The following COL5A1 variants were observed in gnomAD, a reference collection of about 807,000 sequenced individuals.
COL5A1 encodes the protein collagen type V alpha 1 chain, also known as collagen alpha-1(V) chain.
In COL5A1, 16 loss-of-function variants were observed where a neutral mutation model predicts 263.7. The observed-to-expected ratio is 0.06, with a 90% CI of 0.04 to 0.09. The LOEUF (loss-of-function observed/expected upper bound fraction) is 0.09, where lower values mean the gene tolerates loss of function less well. Among genes scored for constraint, COL5A1 ranks in the 10% least tolerant of loss-of-function variants. COL5A1 has a pLI of 1.00. For synonymous variants in COL5A1, 1,012 were observed against 1,004.5 expected (o/e 1.01, Z -0.14); for missense variants, 2,036 against 2,540.5 (o/e 0.80, Z 4.27).
intron 16 of COL5A1, 134 bp from the exon 17 acceptor site, chr9:134,756,631 C>T: frequency 1.0e-6 from 1 of 964,076 alleles, no homozygotes; most frequent in Non-Finnish European, 1.7e-6. Context: ...GCAGCCCGGC[C>T]ACTCGGGCTG....
chr9:134,823,357 G>A lies in COL5A1; in HGVS notation c.4645-59G>A, dbSNP rs993650331. ...CAGGGACCATTCTAGAGCTGAAGGTGGATTCAAAGTCCCCTCATACCTCTG... is the reference window on the plus strand; with the variant it reads ...CAGGGACCATTCTAGAGCTGAAGGTAGATTCAAAGTCCCCTCATACCTCTG... On this transcript the variant is annotated intron_variant, in intron 60 of 65. Transcript: ENST00000371817. 2.5e-6 allele frequency: 4 copies of A among 1,575,604 alleles called. No individual in the cohort carries two copies. The African/African-American group carries it at 5.4e-5, about 21-fold the overall frequency.
chr9:134,657,364 A>C (rs867789505), intron 1 of COL5A1, among the ~76,000 whole-genome samples: 14 of 35,116 alleles, frequency 4.0e-4, no homozygotes, highest in Admixed American at 3.7e-3. Flanking sequence ...GTAGGGGGTG[A>C]AGTTTATAGA....
At chr9:134,737,389 CTT>C (rs1257531200) in intron 9 of COL5A1, among the ~76,000 whole-genome samples, 4 of 152,214 alleles carry the variant, frequency 2.6e-5, no homozygotes, top group Non-Finnish European at 4.4e-5. Flanking sequence ...GGAGCAGACA[CTT>C]GAGGGGTGCA....
chr9:134,644,764 G>A (rs975916925), intron 1 of COL5A1, among the ~76,000 whole-genome samples: 1 of 152,212 alleles, frequency 6.6e-6, no homozygotes, highest in Non-Finnish European at 1.5e-5. Context: ...GGGAAGGAGA[G>A]TATGGGAAAT....
At chr9:134,806,517 C>G (rs1349066436) in intron 42 of COL5A1, among the ~76,000 whole-genome samples, 4 of 152,200 alleles carry the variant, frequency 2.6e-5, no homozygotes, top group African/African-American at 9.7e-5. Context: ...CACATTCTTT[C>G]CGCCATCAGC....
intron 7 of COL5A1, 88 bp from the exon 8 acceptor site, chr9:134,731,408 A>T (rs1834874576): frequency 8.1e-6 from 11 of 1,358,396 alleles, no homozygotes; most frequent in Non-Finnish European, 1.0e-5. Context: ...AGTTGACCGG[A>T]TAGCCACAGT....
At chr9:134,812,778 G>C (rs1234596104) in intron 48 of COL5A1, 66 bp downstream of exon 48, 9 of 1,039,980 alleles carry the variant, frequency 8.7e-6, no homozygotes, top group Non-Finnish European at 1.3e-5. Context: ...GTGTGTCTGT[G>C]TGTGTGTGTC....
In COL5A1 at chr9:134,835,140, C is replaced by G; in HGVS notation, c.5306C>G (p.Ser1769Cys). Reference protein sequence around the residue: ...SYDKALRFLGSNDEEMSYDNN... With the variant: ...SYDKALRFLGCNDEEMSYDNN... ...GACAAGGCCCTCCGCTTCCTGGGCT[C>G]CAACGACGAGGAGATGTCCTATGAC... The change falls in exon 65 of 66, where the codon TCC becomes TGC. Residue 1769 changes from serine to cysteine, a missense_variant. Physicochemically the swap from Ser to Cys is moderately radical, Grantham distance 112. Around this residue, in one of 3 missense-constraint regions of COL5A1, gnomAD observed 358 missense variants for 384.6 expected, o/e 0.93. Coordinates refer to ENST00000371817, the MANE Select transcript of COL5A1 (RefSeq NM_000093.5). 1 of 1,613,878 alleles carries G rather than the reference C, an allele frequency of 6.2e-7. No individual in the cohort carries two copies. The highest frequency in any genetic ancestry group is 2.2e-5 in the East Asian group (1 of 44,884).
chr9:134,732,255 C>A (rs991308345), intron 9 of COL5A1, 128 bp downstream of exon 9: 66 of 923,320 alleles, frequency 7.1e-5, no homozygotes, highest in Non-Finnish European at 1.1e-4. Context: ...TTCGAGCAAC[C>A]ACCTGGTCTC....
At chr9:134,751,554 G>A (rs1414687216) in intron 13 of COL5A1, among the ~76,000 whole-genome samples, 2 of 152,120 alleles carry the variant, frequency 1.3e-5, no homozygotes, top group East Asian at 1.9e-4. Flanking sequence ...GTCCGCAGAG[G>A]AGCACTTGCC....
At chr9:134,733,720 T>G (rs993636405) in intron 9 of COL5A1, among the ~76,000 whole-genome samples, 1 of 152,216 alleles carries the variant, frequency 6.6e-6, no homozygotes, top group Non-Finnish European at 1.5e-5. Context: ...AGCAGGGGGC[T>G]GCGGGCCTGT....
At chr9:134,723,137 C>T (rs1437055993) in intron 4 of COL5A1, among the ~76,000 whole-genome samples, 1 of 152,174 alleles carries the variant, frequency 6.6e-6, no homozygotes, top group Admixed American at 6.5e-5. Flanking sequence ...GTGCCCTCCT[C>T]AGCCCAGCAG....
At chr9:134,697,390 G>A (rs1163116865) in intron 2 of COL5A1, among the ~76,000 whole-genome samples, 1 of 152,210 alleles carries the variant, frequency 6.6e-6, no homozygotes, top group African/African-American at 2.4e-5. Context: ...ATTTTAATGA[G>A]CTGCGGAGAT....
At chr9:134,694,182 A>G (rs532846659) in intron 2 of COL5A1, among the ~76,000 whole-genome samples, 2 of 152,348 alleles carry the variant, frequency 1.3e-5, no homozygotes, top group Non-Finnish European at 2.9e-5. Context: ...AGACTCCCCG[A>G]AGAGCTCACA....
chr9:134,718,024 G>C (rs1321012417), intron 4 of COL5A1, among the ~76,000 whole-genome samples: 1 of 152,156 alleles, frequency 6.6e-6, no homozygotes, highest in Non-Finnish European at 1.5e-5. Flanking sequence ...CCGCGGCCAC[G>C]GGAGCCTCTA....
chr9:134,691,589 A>G (rs764055497), intron 2 of COL5A1: 48 of 166,292 alleles, frequency 2.9e-4, no homozygotes, highest in South Asian at 4.7e-4. Flanking sequence ...GCTTTTAATT[A>G]CATGCCCGGA....
rs1038416544 is a variant in COL5A1, at chr9:134,652,075, A to G, written c.109+9779A>G. On this transcript the variant is annotated intron_variant, in intron 1 of 65. Transcript: ENST00000371817. This position sits in a 1 kb window ranked among gnomAD's most constrained non-coding sequence, Gnocchi z 4.4. Reference sequence around the variant, plus strand: ...CTGACTCTTCTCAGAGCCTTTGGCTACAGAGTGTTCCCGCGGTCGAGGTGG... The same window carrying G: ...CTGACTCTTCTCAGAGCCTTTGGCTGCAGAGTGTTCCCGCGGTCGAGGTGG... 6.6e-5 allele frequency among the ~76,000 whole-genome samples: 10 copies of G among 152,156 alleles called. No individual in the cohort carries two copies. The highest frequency in any genetic ancestry group is 1.0e-4 in the Non-Finnish European group (7 of 68,032).
At position 134,738,529 on chromosome 9, in the gene COL5A1, T is replaced by A; in HGVS notation, c.1431+14T>A. 6.2e-7 allele frequency: 1 copy of A among 1,614,000 alleles called. No homozygotes were observed. The highest frequency in any genetic ancestry group is 8.5e-7 in the Non-Finnish European group (1 of 1,180,000). The stretch of plus-strand genomic sequence containing the variant: ...GAAGGCCCCGCGGTGAGTATCCGGC[T>A]TTATCCTGTGACTTGCAGAAGGTGC... On this transcript the variant is annotated intron_variant, in intron 10 of 65. Transcript: ENST00000371817.
chr9:134,832,104 A>AAAAAC (rs1275692099), intron 64 of COL5A1, among the ~76,000 whole-genome samples: 1 of 152,052 alleles, frequency 6.6e-6, no homozygotes. Context: ...ATCTCTATTA[A>AAAAAC]AAAACAAAAT....
Sources: allele counts gnomAD v4.1 joint callset (sites outside exome capture counted in the v4.1 genomes callset), GRCh38; gene constraint gnomAD v4.1.1; regional missense constraint gnomAD v4.1.1; non-coding constraint Gnocchi (gnomAD v3.1); transcripts MANE v1.5; gene names NCBI Gene and HGNC (gene_info 2026-07-23, HGNC 2026-07-21).